Variants in RPS6KA3 observed in about 807,000 individuals in gnomAD.
RPS6KA3 encodes ribosomal protein S6 kinase alpha-3.
RPS6KA3 carries 4 observed loss-of-function variants against 67.2 expected under a neutral mutation model. That is an observed-to-expected ratio of 0.06 (90% CI 0.03 to 0.14). The LOEUF (loss-of-function observed/expected upper bound fraction) is 0.14, where lower values mean the gene tolerates loss of function less well. Ranked by LOEUF, RPS6KA3 falls within the 10% of genes least tolerant of loss-of-function variation. The probability of loss-of-function intolerance (pLI) is 1.00; values close to 1 mark genes in which losing one functional copy is unlikely to be tolerated. For missense variants in RPS6KA3, 204 were observed against 559.0 expected, an observed-to-expected ratio of 0.36 and a Z score of 6.40; for synonymous variants, 182 against 183.7, an observed-to-expected ratio of 0.99 and a Z score of 0.07.
At chrX:20,249,693 C>T (rs936213335) in intron 1 of RPS6KA3, among the ~76,000 whole-genome samples, 1 of 112,073 alleles carries the variant, frequency 8.9e-6, no homozygotes, top group Non-Finnish European at 1.9e-5. Context: ...ATTGTAAATA[C>T]AAGTCCGGTC....
intron 7 of RPS6KA3, 115 bp from the exon 8 acceptor site, chrX:20,188,649 A>G: frequency 2.3e-6 from 1 of 444,179 alleles, no homozygotes; most frequent in Non-Finnish European, 4.0e-6. Context: ...ACATTGCTTT[A>G]GACTGTGAAT....
intron 2 of RPS6KA3, among the ~76,000 whole-genome samples, chrX:20,229,118 T>A (rs2069195762): frequency 9.6e-6 from 1 of 104,018 alleles, no homozygotes; most frequent in Non-Finnish European, 1.9e-5. Flanking sequence ...GTAAGTGCCT[T>A]TTTTTTTTTC....
At chrX:20,239,147 C>T (rs2069488971) in intron 1 of RPS6KA3, among the ~76,000 whole-genome samples, 1 of 111,255 alleles carries the variant, frequency 9.0e-6, no homozygotes, top group Non-Finnish European at 1.9e-5. Context: ...AGTTATTTAA[C>T]ATTTTGAGCC....
intron 2 of RPS6KA3, among the ~76,000 whole-genome samples, chrX:20,225,352 C>T (rs2069094333): frequency 9.8e-6 from 1 of 102,003 alleles, no homozygotes. Context: ...CAAAGGGAAA[C>T]CTTTGCCTGT....
intron 10 of RPS6KA3, among the ~76,000 whole-genome samples, chrX:20,183,067 C>T (rs1450375823): frequency 9.0e-6 from 1 of 110,819 alleles, no homozygotes; most frequent in Non-Finnish European, 1.9e-5. Context: ...CATTGAATAT[C>T]CTCTTCTGTC....
intron 15 of RPS6KA3, among the ~76,000 whole-genome samples, chrX:20,169,983 G>C (rs1217167182): frequency 8.9e-6 from 1 of 112,055 alleles, no homozygotes; most frequent in Non-Finnish European, 1.9e-5. Flanking sequence ...CCTGTTAGCT[G>C]TAAGCTACTT....
intron 10 of RPS6KA3, among the ~76,000 whole-genome samples, chrX:20,183,677 A>G (rs1310104576): frequency 8.9e-6 from 1 of 112,121 alleles, no homozygotes; most frequent in African/African-American, 3.2e-5. Context: ...AAGACTTAAT[A>G]CCTGGTAAAG....
At chrX:20,211,328 T>C (rs1242771593) in intron 2 of RPS6KA3, among the ~76,000 whole-genome samples, 2 of 111,245 alleles carry the variant, frequency 1.8e-5, no homozygotes, top group African/African-American at 3.3e-5. Context: ...AAGAGATTAA[T>C]TGAAGGCTTA....
At chrX:20,168,619 C>T (rs1313070891) in intron 16 of RPS6KA3, among the ~76,000 whole-genome samples, 14 of 111,057 alleles carry the variant, frequency 1.3e-4, no homozygotes, top group Non-Finnish European at 1.9e-5. Flanking sequence ...GAGAGTGAGA[C>T]TAGTCAATAT....
chrX:20,180,609 C>T (rs1194896462), intron 10 of RPS6KA3, among the ~76,000 whole-genome samples: 1 of 111,464 alleles, frequency 9.0e-6, no homozygotes, highest in Non-Finnish European at 1.9e-5. Context: ...CCAATAAACA[C>T]ACCTGAATGC....
intron 1 of RPS6KA3, among the ~76,000 whole-genome samples, chrX:20,252,655 A>G (rs1363899830): frequency 9.0e-6 from 1 of 111,159 alleles, no homozygotes; most frequent in Admixed American, 9.5e-5. Context: ...GCTGGGCCCC[A>G]CTGATGACAG....
intron 2 of RPS6KA3, among the ~76,000 whole-genome samples, chrX:20,230,259 T>C (rs112655795): frequency 0.032 from 3,562 of 112,174 alleles, 140 homozygotes; most frequent in African/African-American, 0.1. Flanking sequence ...CCTCATTCAA[T>C]TCACAGTTTA....
Position 20,209,419 on chromosome X carries a change from G to GT in RPS6KA3, c.127-16dup. 1 of 938,032 alleles carries GT rather than the reference G, an allele frequency of 1.1e-6. No individual in the cohort carries two copies. Among genetic ancestry groups the GT allele is most frequent in the East Asian group, 3.1e-5 (1 of 32,574 alleles). 77.3% of individuals were successfully genotyped at this position (938,032 alleles called of 1,213,427 possible). On this transcript the variant is annotated splice_polypyrimidine_tract_variant and intron_variant, in intron 2 of 21. Transcript: ENST00000379565. ...CTGACTTCTTCCTGTTGAGATAAAC[G>GT]TAAGAGGAGCAAACAGGGTTAGCCA...
intron 4 of RPS6KA3, among the ~76,000 whole-genome samples, chrX:20,197,640 C>A (rs755650260): frequency 1.8e-5 from 2 of 111,913 alleles, no homozygotes; most frequent in East Asian, 5.6e-4. Context: ...TGAAAATGAG[C>A]AGTGAGAGTC....
chrX:20,161,627 T>C lies in RPS6KA3; in HGVS notation c.1959+17A>G. 1 of 874,636 alleles carries C rather than the reference T, an allele frequency of 1.1e-6. No individual in the cohort carries two copies. The highest frequency in any genetic ancestry group is 2.0e-5 in the African/African-American group (1 of 50,790). The allele number at this position is 874,636 out of a possible 1,213,427, so 72.1% of individuals were successfully genotyped here. A position where few individuals can be genotyped will look rare whatever the true frequency, so the allele number is the denominator to read the frequency against. On this transcript the variant is annotated intron_variant, in intron 20 of 21. Transcript: ENST00000379565. The stretch of plus-strand genomic sequence containing the variant: ...AAGTTATTTTCTCAAAATCTTATAA[T>C]AGGAAGTGATACTTACCTTTGCTGT...
intron 15 of RPS6KA3, among the ~76,000 whole-genome samples, chrX:20,169,799 G>C (rs768525135): frequency 1.8e-5 from 2 of 111,904 alleles, no homozygotes; most frequent in African/African-American, 6.5e-5. Context: ...AAGGTACCAA[G>C]AACACAGTTA....
At chrX:20,243,539 G>A (rs895366754) in intron 1 of RPS6KA3, among the ~76,000 whole-genome samples, 1 of 111,667 alleles carries the variant, frequency 9.0e-6, no homozygotes. Context: ...AGGTTGGAGT[G>A]CAGTGGCACA....
At position 20,165,931 on chromosome X, in the gene RPS6KA3, T is replaced by A. The variant is rs148477274; in HGVS notation, c.1603-871A>T. 4.0e-4 allele frequency among the ~76,000 whole-genome samples: 45 copies of A among 111,810 alleles called. No individual in the cohort carries two copies. The East Asian group carries it at 0.01, about 26-fold the overall frequency. ...TGAGGATAATACCGAAGTCTCTCTA[T>A]ATTTTTTCCTAGATATATATACCTA... On this transcript the variant is annotated intron_variant, in intron 17 of 21. Transcript: ENST00000379565.
At chrX:20,249,480 A>AT (rs2069801697) in intron 1 of RPS6KA3, among the ~76,000 whole-genome samples, 1 of 111,798 alleles carries the variant, frequency 8.9e-6, no homozygotes, top group Non-Finnish European at 1.9e-5. Context: ...TATTGTCACT[A>AT]TTTTTTATGT....
Sources: gnomAD v4.1 joint callset for allele counts (sites outside exome capture counted in the v4.1 genomes callset) on GRCh38, gnomAD v4.1.1 for gene constraint, MANE v1.5 for transcripts, NCBI Gene and HGNC (gene_info 2026-07-23, HGNC 2026-07-21) for gene names.